Variants in PCDH15 observed in about 807,000 individuals in gnomAD.
PCDH15 encodes the protein protocadherin-15.
Under a neutral mutation model 178.5 loss-of-function variants are expected in PCDH15, and 129 were observed. The ratio of observed to expected loss-of-function variants is 0.72; its 90% CI spans 0.63 to 0.84. PCDH15 has a LOEUF of 0.84. Ranked by LOEUF, PCDH15 falls within the 40% of genes least tolerant of loss-of-function variation. PCDH15 has a pLI of 0.00. For synonymous variants in PCDH15, 800 were observed against 732.0 expected (o/e 1.09, Z -1.50); for missense variants, 2,230 against 2,099.9 (o/e 1.06, Z -1.21).
At chr10:54,097,118 A>G (rs961410264) in intron 15 of PCDH15, among the ~76,000 whole-genome samples, 1 of 152,000 alleles carries the variant, frequency 6.6e-6, no homozygotes, top group Non-Finnish European at 1.5e-5. Flanking sequence ...ACTCTCCATA[A>G]TTTTTCCCAG....
At chr10:54,497,108 C>T in intron 3 of PCDH15, among the ~76,000 whole-genome samples, 1 of 151,964 alleles carries the variant, frequency 6.6e-6, no homozygotes, top group East Asian at 1.9e-4. Context: ...CCTCAAGGGG[C>T]CAGAGAACAA....
intron 11 of PCDH15, among the ~76,000 whole-genome samples, chr10:54,192,961 A>G (rs962279036): frequency 3.9e-5 from 6 of 152,166 alleles, no homozygotes; most frequent in African/African-American, 1.4e-4. Flanking sequence ...AAGAGGGGGC[A>G]CCTGATGAGT....
chr10:55,572,665 A>T (rs1426818079), intron 2 of PCDH15, among the ~76,000 whole-genome samples: 1 of 152,032 alleles, frequency 6.6e-6, no homozygotes, highest in African/African-American at 2.4e-5. Context: ...TAAATCACGT[A>T]AGGAAGGAAA....
At chr10:55,546,227 A>T (rs1216624125) in intron 2 of PCDH15, among the ~76,000 whole-genome samples, 1 of 152,178 alleles carries the variant, frequency 6.6e-6, no homozygotes, top group Non-Finnish European at 1.5e-5. Flanking sequence ...ATCTTAACAA[A>T]ATAAAAAACA....
chr10:55,602,798 C>T (rs907290143), intron 2 of PCDH15, among the ~76,000 whole-genome samples: 1 of 152,156 alleles, frequency 6.6e-6, no homozygotes, highest in Admixed American at 6.5e-5. Flanking sequence ...AAAAACAGAA[C>T]AGAAATACTG....
At chr10:54,728,405 C>T (rs988622499) in intron 1 of PCDH15, among the ~76,000 whole-genome samples, 1 of 151,280 alleles carries the variant, frequency 6.6e-6, no homozygotes, top group African/African-American at 2.4e-5. Context: ...TGGTACACAT[C>T]CTGAACAAAG....
chr10:55,455,591 G>A (rs1185618509), intron 2 of PCDH15, among the ~76,000 whole-genome samples: 3 of 127,910 alleles, frequency 2.3e-5, no homozygotes, highest in South Asian at 5.2e-4. Flanking sequence ...CTTCGTTGCT[G>A]TGATAGATTA....
At chr10:55,545,069 G>C (rs1841848997) in intron 2 of PCDH15, among the ~76,000 whole-genome samples, 1 of 152,046 alleles carries the variant, frequency 6.6e-6, no homozygotes, top group African/African-American at 2.4e-5. Context: ...CCCTAAATAT[G>C]CTCTAGCTGG....
At chr10:55,039,732 AAAAGAG>A (rs1840820014) in intron 2 of PCDH15, among the ~76,000 whole-genome samples, 1 of 152,164 alleles carries the variant, frequency 6.6e-6, no homozygotes, top group Admixed American at 6.5e-5. Flanking sequence ...AAACTAGTGA[AAAAGAG>A]AAATCATACA....
intron 2 of PCDH15, among the ~76,000 whole-genome samples, chr10:54,655,291 AGAGAGAGAG>A (rs1225257286): frequency 7.8e-6 from 1 of 128,092 alleles, no homozygotes; most frequent in African/African-American, 2.8e-5. Flanking sequence ...AGAGAGAGAG[AGAGAGAGAG>A]AGACAGAGAG....
At chr10:54,579,988 T>A (rs2090892137) in intron 2 of PCDH15, among the ~76,000 whole-genome samples, 1 of 152,000 alleles carries the variant, frequency 6.6e-6, no homozygotes, top group Non-Finnish European at 1.5e-5. Context: ...AGAGGAACAT[T>A]TACAGCACTA....
chr10:54,908,171 T>A, intron 2 of PCDH15, among the ~76,000 whole-genome samples: 1 of 152,200 alleles, frequency 6.6e-6, no homozygotes, highest in Admixed American at 6.5e-5. Flanking sequence ...CTCTGCTACA[T>A]GCTTGGATCC....
At chr10:54,901,397 T>G (rs1954637072) in intron 2 of PCDH15, among the ~76,000 whole-genome samples, 1 of 152,196 alleles carries the variant, frequency 6.6e-6, no homozygotes, top group Admixed American at 6.5e-5. Flanking sequence ...CAGTGTCAAG[T>G]CTCTATGAAA....
At chr10:54,939,338 A>AT in intron 2 of PCDH15, among the ~76,000 whole-genome samples, 1 of 151,382 alleles carries the variant, frequency 6.6e-6, no homozygotes, top group South Asian at 2.1e-4. Context: ...ACTAAAAAAA[A>AT]CAAAAAATTA....
intron 2 of PCDH15, among the ~76,000 whole-genome samples, chr10:55,100,472 T>TA (rs1842550251): frequency 6.6e-6 from 1 of 152,024 alleles, no homozygotes; most frequent in Admixed American, 6.6e-5. Flanking sequence ...ATTTGTAAAG[T>TA]AAAAAAGTGT....
chr10:53,997,692 G>C (rs983617876), intron 20 of PCDH15, among the ~76,000 whole-genome samples: 3 of 152,010 alleles, frequency 2.0e-5, no homozygotes, highest in Non-Finnish European at 4.4e-5. Flanking sequence ...TATTTGCTTG[G>C]GAAGTATTCA....
chr10:54,235,842 GTT>G (rs1157764648), intron 9 of PCDH15, among the ~76,000 whole-genome samples: 3 of 152,026 alleles, frequency 2.0e-5, no homozygotes, highest in Non-Finnish European at 4.4e-5. Context: ...ACTTAAAATA[GTT>G]TCTGTTTATG....
chr10:54,492,319 C>G (rs973340956), intron 3 of PCDH15, among the ~76,000 whole-genome samples: 1 of 152,154 alleles, frequency 6.6e-6, no homozygotes, highest in Admixed American at 6.6e-5. Context: ...GCTCAGCTGT[C>G]TGAGGCAAAT....
At chr10:55,501,905 G>GA (rs935780150) in intron 2 of PCDH15, among the ~76,000 whole-genome samples, 2 of 151,552 alleles carry the variant, frequency 1.3e-5, no homozygotes, top group Admixed American at 6.6e-5. Context: ...GAACATTAAT[G>GA]AAAAAACAAT....
Sources: gnomAD v4.1 joint callset for allele counts (sites outside exome capture counted in the v4.1 genomes callset) on GRCh38, gnomAD v4.1.1 for gene constraint, MANE v1.5 for transcripts, NCBI Gene and HGNC (gene_info 2026-07-23, HGNC 2026-07-21) for gene names.